The following NME7 variants were observed in gnomAD, a reference collection of about 807,000 sequenced individuals.
The protein encoded by NME7 is NME/NM23 family member 7.
In NME7, 41 loss-of-function variants were observed where a neutral mutation model predicts 49.1. The ratio of observed to expected loss-of-function variants is 0.83; its 90% CI spans 0.65 to 1.08. NME7 has a LOEUF of 1.08. NME7 is among the 50% of genes least tolerant of loss of function. The probability of loss-of-function intolerance (pLI) is 0.00; values close to 1 mark genes in which losing one functional copy is unlikely to be tolerated. For synonymous variants in NME7, 139 were observed against 150.6 expected (o/e 0.92, Z 0.56); for missense variants, 423 against 463.4 (o/e 0.91, Z 0.80).
At chr1:169,251,786 C>T (rs893383993) in intron 7 of NME7, among the ~76,000 whole-genome samples, 1 of 148,388 alleles carries the variant, frequency 6.7e-6, no homozygotes, top group African/African-American at 2.5e-5. Context: ...GTTCAATTCC[C>T]ACCTATGAGT....
intron 10 of NME7, among the ~76,000 whole-genome samples, chr1:169,171,708 G>A (rs1659597762): frequency 6.6e-6 from 1 of 152,028 alleles, no homozygotes. Context: ...AGGTTGCAGT[G>A]AGCCGAGATC....
Position 169,367,755 on chromosome 1 carries a change from G to C in NME7, c.-45C>G, listed in dbSNP as rs753968466. ...TAGAAAATAGGTATCGTTGAGACAG[G>C]AAGACACCACCACCACCACCATCAT... On this transcript the variant is annotated 5_prime_UTR_variant, in exon 1 of 12. Transcript: ENST00000367811. 17 of 1,612,918 alleles carry C rather than the reference G, an allele frequency of 1.1e-5. No individual in the cohort carries two copies. The highest frequency in any genetic ancestry group is 1.4e-5 in the Non-Finnish European group (16 of 1,179,184).
intron 10 of NME7, among the ~76,000 whole-genome samples, chr1:169,202,790 G>T (rs1660582778): frequency 6.6e-6 from 1 of 152,178 alleles, no homozygotes; most frequent in Admixed American, 6.5e-5. Context: ...TGCAATTGGA[G>T]GGAGGGGTAA....
chr1:169,367,081 G>C (rs1653894621), intron 1 of NME7, among the ~76,000 whole-genome samples: 1 of 151,924 alleles, frequency 6.6e-6, no homozygotes, highest in South Asian at 2.1e-4. Context: ...GAATTTCCAG[G>C]GGTGAAGCCC....
intron 7 of NME7, among the ~76,000 whole-genome samples, chr1:169,250,848 C>A (rs181140078): frequency 1.3e-5 from 2 of 151,920 alleles, no homozygotes; most frequent in African/African-American, 4.8e-5. Flanking sequence ...TACCTGATAA[C>A]ATTTCGATTT....
chr1:169,304,803 C>T (rs1445443550), intron 4 of NME7, among the ~76,000 whole-genome samples: 1 of 152,062 alleles, frequency 6.6e-6, no homozygotes, highest in East Asian at 1.9e-4. Flanking sequence ...TATGCTCTTG[C>T]TACTACTAAC....
chr1:169,308,039 C>T (rs1171089525), intron 4 of NME7, among the ~76,000 whole-genome samples: 1 of 150,970 alleles, frequency 6.6e-6, no homozygotes, highest in Non-Finnish European at 1.5e-5. Flanking sequence ...AAAAAAAATC[C>T]CATTTTGCAA....
rs1417600599 is a variant in NME7 at position 169,276,473 on chromosome 1, G to A, written c.754+10830C>T. On this transcript the variant is annotated intron_variant, in intron 7 of 11. Transcript: ENST00000367811. ...CTTCTCGATTTTCTAGTTTATTTGC[G>A]TAGAGGTGTTTGTAGTATTCTCTGA... Among the ~76,000 whole-genome samples the A allele has an allele frequency of 9.7e-5, 13 of 133,442 alleles. 1 individual carries two copies. The highest frequency in any genetic ancestry group is 2.3e-4 in the African/African-American group (9 of 39,476). The allele number at this position is 133,442 out of a possible 152,430, so 87.5% of individuals were successfully genotyped here.
chr1:169,292,215 T>G (rs1650534601), intron 6 of NME7, among the ~76,000 whole-genome samples: 1 of 152,072 alleles, frequency 6.6e-6, no homozygotes, highest in African/African-American at 2.4e-5. Context: ...GTATAAAAAC[T>G]AAAACTATAA....
At chr1:169,238,374 C>G (rs1647945476) in intron 7 of NME7, among the ~76,000 whole-genome samples, 1 of 151,676 alleles carries the variant, frequency 6.6e-6, no homozygotes, top group Admixed American at 6.6e-5. Flanking sequence ...AGTCTCTGGG[C>G]AAATGGGGCT....
At chr1:169,360,760 C>T (rs1653623608) in intron 1 of NME7, among the ~76,000 whole-genome samples, 1 of 152,216 alleles carries the variant, frequency 6.6e-6, no homozygotes. Flanking sequence ...AGGCTACTTG[C>T]TCTTGGAACC....
rs150537477 is a variant in NME7, at chr1:169,217,795, C to G, written c.990+12923G>C. ...CATTTGAATCAATTGCATGGTGTAG[C>G]CTTTTTGTGCTGGTTGCGGCTTCAC... On this transcript the variant is annotated intron_variant, in intron 10 of 11. Transcript: ENST00000367811. Among the ~76,000 whole-genome samples, 637 of 152,262 alleles carry G rather than the reference C, an allele frequency of 4.2e-3. 2 individuals carry two copies. Among genetic ancestry groups the G allele is most frequent in the Non-Finnish European group, 7.4e-3 (505 of 68,008 alleles).
chr1:169,212,947 G>T (rs1314887077), intron 10 of NME7, among the ~76,000 whole-genome samples: 3 of 152,018 alleles, frequency 2.0e-5, no homozygotes, highest in African/African-American at 7.2e-5. Context: ...CCTTTTTGCA[G>T]TGTACTTGGT....
intron 10 of NME7, among the ~76,000 whole-genome samples, chr1:169,220,827 A>C (rs920389186): frequency 6.6e-6 from 1 of 152,216 alleles, no homozygotes; most frequent in Admixed American, 6.5e-5. Flanking sequence ...TGATTACCTA[A>C]GAAAAATGTT....
chr1:169,155,114 A>G (rs1659029654), intron 11 of NME7, among the ~76,000 whole-genome samples: 1 of 152,204 alleles, frequency 6.6e-6, no homozygotes, highest in South Asian at 2.1e-4. Flanking sequence ...TTTCTTTAAC[A>G]TAGATAAAAT....
chr1:169,184,403 C>G (rs1184003286), intron 10 of NME7, among the ~76,000 whole-genome samples: 3 of 152,222 alleles, frequency 2.0e-5, no homozygotes, highest in Admixed American at 2.0e-4. Flanking sequence ...CTGGGCATCT[C>G]TAATCCTGGT....
intron 7 of NME7, among the ~76,000 whole-genome samples, chr1:169,260,655 G>A (rs1335010050): frequency 1.5e-5 from 2 of 132,782 alleles, no homozygotes; most frequent in African/African-American, 5.1e-5. Flanking sequence ...TTGTCATTGT[G>A]CAATTACGCA....
At chr1:169,362,608 T>C (rs1226509861) in intron 1 of NME7, among the ~76,000 whole-genome samples, 3 of 152,122 alleles carry the variant, frequency 2.0e-5, no homozygotes, top group Admixed American at 1.3e-4. Flanking sequence ...TAAACTGCAG[T>C]GGTCAGGAAG....
intron 10 of NME7, among the ~76,000 whole-genome samples, chr1:169,196,622 G>T (rs981537839): frequency 6.6e-6 from 1 of 152,234 alleles, no homozygotes; most frequent in East Asian, 1.9e-4. Flanking sequence ...ATTAATAAAG[G>T]CTTGAAATTT....
Sources: gnomAD v4.1 joint callset for allele counts (sites outside exome capture counted in the v4.1 genomes callset) on GRCh38, gnomAD v4.1.1 for gene constraint, MANE v1.5 for transcripts, NCBI Gene and HGNC (gene_info 2026-07-23, HGNC 2026-07-21) for gene names.